KCNH1: variants seen among roughly 807,000 people sequenced by gnomAD.
KCNH1 encodes the protein potassium voltage-gated channel subfamily H member 1.
In KCNH1, 27 loss-of-function variants were observed where a neutral mutation model predicts 69.2. That is an observed-to-expected ratio of 0.39 (90% CI 0.29 to 0.54). The LOEUF is 0.54. Among genes scored for constraint, KCNH1 ranks in the 20% least tolerant of loss-of-function variants. The probability of loss-of-function intolerance (pLI) is 0.68; values close to 1 mark genes in which losing one functional copy is unlikely to be tolerated. For missense variants in KCNH1, 798 were observed against 1,261.6 expected (o/e 0.63, Z 5.57); for synonymous variants, 456 against 487.7 (o/e 0.93, Z 0.86).
At chr1:210,939,191 G>A (rs990127423) in intron 6 of KCNH1, among the ~76,000 whole-genome samples, 1 of 151,996 alleles carries the variant, frequency 6.6e-6, no homozygotes, top group Non-Finnish European at 1.5e-5. Flanking sequence ...CTAATAAACC[G>A]GTGACAAACA....
At chr1:210,939,853 T>C (rs1687846437) in intron 6 of KCNH1, among the ~76,000 whole-genome samples, 1 of 152,210 alleles carries the variant, frequency 6.6e-6, no homozygotes, top group South Asian at 2.1e-4. Flanking sequence ...ATCTTCAGAA[T>C]TCTACCTCAC....
chr1:210,897,377 A>G (rs1007724414), intron 7 of KCNH1, among the ~76,000 whole-genome samples: 2 of 152,146 alleles, frequency 1.3e-5, no homozygotes, highest in African/African-American at 4.8e-5. Flanking sequence ...ACCAAGAAAA[A>G]TAAGTACCTA....
At chr1:211,030,638 T>C (rs919031231) in intron 5 of KCNH1, among the ~76,000 whole-genome samples, 6 of 151,478 alleles carry the variant, frequency 4.0e-5, no homozygotes, top group Admixed American at 2.6e-4. Flanking sequence ...ATATAAAACA[T>C]AAAACTAAAA....
intron 7 of KCNH1, among the ~76,000 whole-genome samples, chr1:210,913,737 A>G (rs1215652653): frequency 1.3e-5 from 2 of 152,212 alleles, no homozygotes; most frequent in Non-Finnish European, 2.9e-5. Flanking sequence ...GTTGAGGCTG[A>G]CACTACTGGT....
intron 9 of KCNH1, 136 bp downstream of exon 9, chr1:210,797,372 G>T: frequency 2.1e-6 from 2 of 936,168 alleles, no homozygotes; most frequent in Non-Finnish European, 3.3e-6. Flanking sequence ...TTTGATTGTT[G>T]GATAGATAAG....
At chr1:211,049,476 G>T (rs1366834225) in intron 5 of KCNH1, among the ~76,000 whole-genome samples, 2 of 152,182 alleles carry the variant, frequency 1.3e-5, no homozygotes, top group Non-Finnish European at 2.9e-5. Context: ...AACATAGGGG[G>T]TTTTTTGGTT....
chr1:210,814,462 A>G (rs1375271149), intron 7 of KCNH1, among the ~76,000 whole-genome samples: 1 of 152,162 alleles, frequency 6.6e-6, no homozygotes, highest in Non-Finnish European at 1.5e-5. Flanking sequence ...CACTAAGTTT[A>G]TCATCAGATG....
At chr1:211,032,995 T>A (rs1294284777) in intron 5 of KCNH1, among the ~76,000 whole-genome samples, 1 of 152,182 alleles carries the variant, frequency 6.6e-6, no homozygotes, top group Admixed American at 6.5e-5. Context: ...TGGGAGAACA[T>A]TTTTGCAATC....
intron 6 of KCNH1, among the ~76,000 whole-genome samples, chr1:210,923,673 T>C (rs934882066): frequency 3.9e-5 from 6 of 152,262 alleles, no homozygotes; most frequent in African/African-American, 1.4e-4. Context: ...AACTCCTCCA[T>C]GTGTCCATAA....
In KCNH1 at chr1:211,019,047, G is replaced by A. The variant is rs764963478; in HGVS notation, c.768C>T (p.Ile256=). The A allele has an allele frequency of 4.6e-5, 74 of 1,613,856 alleles. No individual in the cohort carries two copies. The highest frequency in any genetic ancestry group is 6.7e-5 in the East Asian group (3 of 44,890). ...NNVAWLVVDS[I]VDVIFLVDIV... Reference sequence around the variant, plus strand: ...TGTCCACCAAAAAGATAACATCCACGATGCTATCAACAACCAGCCAGGCCA... The same window carrying A: ...TGTCCACCAAAAAGATAACATCCACAATGCTATCAACAACCAGCCAGGCCA... The change falls in exon 6 of 11, where the codon ATC becomes ATT. Residue 256 remains isoleucine, a synonymous_variant. Transcript: ENST00000271751.
chr1:211,087,633 A>ACG (rs1558599101), intron 4 of KCNH1, among the ~76,000 whole-genome samples: 1 of 34,106 alleles, frequency 2.9e-5, no homozygotes, highest in East Asian at 5.3e-4. Context: ...ACACACACAC[A>ACG]CACACGCACA....
chr1:210,742,865 GCGTGCA>G (rs1417536169), intron 10 of KCNH1, among the ~76,000 whole-genome samples: 1 of 152,132 alleles, frequency 6.6e-6, no homozygotes, highest in Non-Finnish European at 1.5e-5. Flanking sequence ...GTGCGCGCGC[GCGTGCA>G]CGTGCATGTG....
At chr1:210,954,223 A>C (rs1414691331) in intron 6 of KCNH1, among the ~76,000 whole-genome samples, 2 of 152,094 alleles carry the variant, frequency 1.3e-5, no homozygotes, top group African/African-American at 4.8e-5. Context: ...TGTCCCAGAA[A>C]AGGGCATGAA....
intron 6 of KCNH1, among the ~76,000 whole-genome samples, chr1:210,986,411 G>A (rs976821672): frequency 6.6e-6 from 1 of 152,168 alleles, no homozygotes; most frequent in African/African-American, 2.4e-5. Flanking sequence ...TGTTTTTGCA[G>A]TGGCTGGTAC....
intron 7 of KCNH1, among the ~76,000 whole-genome samples, chr1:210,872,697 C>A (rs1686279675): frequency 6.6e-6 from 1 of 152,050 alleles, no homozygotes; most frequent in Non-Finnish European, 1.5e-5. Context: ...TATAAACGAC[C>A]AGATCTCATG....
intron 2 of KCNH1, 32 bp downstream of exon 2, chr1:211,107,222 T>C: frequency 1.9e-6 from 3 of 1,611,478 alleles, no homozygotes; most frequent in Non-Finnish European, 2.5e-6. Context: ...CCATAATAGA[T>C]TGTTCACCAG....
At chr1:210,712,213 C>G (rs1053358614) in intron 10 of KCNH1, among the ~76,000 whole-genome samples, 7 of 152,212 alleles carry the variant, frequency 4.6e-5, no homozygotes, top group Non-Finnish European at 5.9e-5. Flanking sequence ...TAATGCTGCA[C>G]CAACCATGAG....
chr1:211,015,737 C>T (rs1689480162), intron 6 of KCNH1, among the ~76,000 whole-genome samples: 1 of 152,180 alleles, frequency 6.6e-6, no homozygotes, highest in Non-Finnish European at 1.5e-5. Context: ...ATAGGAAAAC[C>T]ATGATCCAGA....
chr1:211,126,687 C>CAAAAAAAAA lies in KCNH1; in HGVS notation c.79+7171_79+7179dup, dbSNP rs71571980. 4.5e-4 allele frequency among the ~76,000 whole-genome samples: 29 copies of CAAAAAAAAA among 64,934 alleles called. 4 individuals carry two copies. The highest frequency in any genetic ancestry group is 1.4e-3 in the African/African-American group (26 of 18,836). 42.6% of individuals were successfully genotyped at this position (64,934 alleles called of 152,430 possible). Reference sequence around the variant, plus strand: ...GACAGAGTGAGATCCTATAATATCTCAAAAAAAAAAAAAAAAAAAGACTGC... The same window carrying CAAAAAAAAA: ...GACAGAGTGAGATCCTATAATATCTCAAAAAAAAAAAAAAAAAAAAAAAAAAAAGACTGC... On this transcript the variant is annotated intron_variant, in intron 1 of 10. Transcript: ENST00000271751.
Sources: allele counts gnomAD v4.1 joint callset (sites outside exome capture counted in the v4.1 genomes callset), GRCh38; gene constraint gnomAD v4.1.1; transcripts MANE v1.5; gene names NCBI Gene and HGNC (gene_info 2026-07-23, HGNC 2026-07-21).